The following LRBA variants were observed in gnomAD, a reference collection of about 807,000 sequenced individuals.
LRBA encodes lipopolysaccharide-responsive and beige-like anchor protein.
In LRBA, 176 loss-of-function variants were observed where a neutral mutation model predicts 330.0. The observed-to-expected ratio is 0.53, with a 90% CI of 0.47 to 0.60. The LOEUF (loss-of-function observed/expected upper bound fraction) is 0.60, where lower values mean the gene tolerates loss of function less well. LRBA is among the 20% of genes least tolerant of loss of function. LRBA has a pLI of 0.00. For synonymous variants in LRBA, 1,230 were observed against 1,193.0 expected (o/e 1.03, Z -0.64); for missense variants, 3,259 against 3,444.8 (o/e 0.95, Z 1.35).
chr4:150,282,666 A>G lies in LRBA; in HGVS notation c.8120-20T>C, dbSNP rs769872660. On this transcript the variant is annotated intron_variant, in intron 54 of 56. Coordinates refer to ENST00000651943, the MANE Select transcript of LRBA (RefSeq NM_001364905.1). ...GTCCTTCTGAGAAGAGAGGAGAAAT[A>G]AAAGGCAAAATTATTGAATGAAAAC... is the stretch of plus-strand genomic sequence containing the variant. 2.0e-6 allele frequency: 3 copies of G among 1,535,852 alleles called. No individual in the cohort carries two copies. The highest frequency in any genetic ancestry group is 2.7e-6 in the Non-Finnish European group (3 of 1,122,784).
rs1772728589 is a variant in LRBA at position 150,590,822 on chromosome 4, G to A, written c.6084C>T (p.Ser2028=). 2 of 1,613,506 alleles carry A rather than the reference G, an allele frequency of 1.2e-6. No individual in the cohort carries two copies. The highest frequency in any genetic ancestry group is 1.7e-6 in the Non-Finnish European group (2 of 1,179,574). ...GATTTCCTAAAGCCTGACTCCTGAT[G>A]GACTGTTTTCCTTTAGCAAGGATAT... ...DEDILAKGKQ[S]IRSQALGNQN... Residue 2028 remains serine (S), a synonymous_variant, in exon 39 of 57, where the codon TCC becomes TCT. Transcript: ENST00000651943.
At chr4:150,851,683 T>A (rs539453972) in intron 23 of LRBA, among the ~76,000 whole-genome samples, 1 of 152,320 alleles carries the variant, frequency 6.6e-6, no homozygotes, top group South Asian at 2.1e-4. Flanking sequence ...AAAATAGTAA[T>A]AAAAACTGTC....
At chr4:150,521,255 A>T (rs1426436741) in intron 40 of LRBA, among the ~76,000 whole-genome samples, 1 of 151,636 alleles carries the variant, frequency 6.6e-6, no homozygotes, top group Non-Finnish European at 1.5e-5. Context: ...TTTGAGTTTA[A>T]TTTGCTCTTC....
At chr4:150,798,853 G>A (rs1366343489) in intron 33 of LRBA, among the ~76,000 whole-genome samples, 3 of 151,914 alleles carry the variant, frequency 2.0e-5, no homozygotes, top group African/African-American at 4.8e-5. Context: ...TAATTAAAGG[G>A]ACTAAATTAT....
rs1741511635 is a variant in LRBA at position 150,377,413 on chromosome 4, C to T, written c.7195-27254G>A. On this transcript the variant is annotated intron_variant, in intron 47 of 56. Transcript: ENST00000651943. ...GTGATTAAGCATTTAAGGTAACACT[C>T]ATAAAACTATATCATTTGCAGTAAA... Among the ~76,000 whole-genome samples, 4 of 152,180 alleles carry T rather than the reference C, an allele frequency of 2.6e-5. No homozygotes were observed. In the South Asian group the frequency reaches 8.3e-4, roughly 31 times the overall value.
chr4:150,703,501 TAAAAC>T lies in LRBA; in HGVS notation c.5755-19789_5755-19785del, dbSNP rs1785313129. Among the ~76,000 whole-genome samples the T allele has an allele frequency of 4.6e-5, 7 of 152,190 alleles. No homozygotes were observed. The South Asian group carries it at 1.4e-3, about 31-fold the overall frequency. Reference sequence around the variant, plus strand: ...CCTATACCAGATGTTGAAATTAAAATAAAACAGAACCTTTTATAAAGAAGTCAATA... The same window carrying T: ...CCTATACCAGATGTTGAAATTAAAATAGAACCTTTTATAAAGAAGTCAATA... On this transcript the variant is annotated intron_variant, in intron 36 of 56. Transcript: ENST00000651943.
At chr4:150,280,032 T>C (rs970958748) in intron 55 of LRBA, among the ~76,000 whole-genome samples, 5 of 152,210 alleles carry the variant, frequency 3.3e-5, no homozygotes, top group Admixed American at 6.5e-5. Flanking sequence ...TGCTTCCATC[T>C]GAAATTAAGT....
At chr4:150,269,946 AAAAC>A (rs1290626568) in intron 56 of LRBA, among the ~76,000 whole-genome samples, 5 of 152,354 alleles carry the variant, frequency 3.3e-5, no homozygotes, top group South Asian at 2.1e-4. Context: ...CCTGTCTCAA[AAAAC>A]AAACAAAAAG....
intron 53 of LRBA, 53 bp from the exon 54 acceptor site, chr4:150,286,087 A>G (rs1748100361): frequency 8.2e-7 from 1 of 1,223,956 alleles, no homozygotes; most frequent in Admixed American, 2.5e-5. Flanking sequence ...CATGCATATT[A>G]AATAATCAAC....
At chr4:150,724,348 T>G (rs1342752448) in intron 36 of LRBA, among the ~76,000 whole-genome samples, 1 of 152,132 alleles carries the variant, frequency 6.6e-6, no homozygotes, top group Non-Finnish European at 1.5e-5. Context: ...CTTCCACATC[T>G]TATCTAAGAC....
chr4:150,333,720 T>A (rs571683305), intron 48 of LRBA, among the ~76,000 whole-genome samples: 1 of 152,178 alleles, frequency 6.6e-6, no homozygotes, highest in Non-Finnish European at 1.5e-5. Flanking sequence ...TCTAGCTGAC[T>A]AGCCTCAGTG....
intron 37 of LRBA, among the ~76,000 whole-genome samples, chr4:150,638,506 A>G (rs182207079): frequency 7.7e-4 from 118 of 152,336 alleles, no homozygotes; most frequent in Non-Finnish European, 1.4e-3. Flanking sequence ...TCAAGAACAC[A>G]AAACTGGGGT....
intron 2 of LRBA, among the ~76,000 whole-genome samples, chr4:150,931,932 G>C (rs914701549): frequency 3.3e-5 from 5 of 152,120 alleles, no homozygotes; most frequent in Admixed American, 6.6e-5. Flanking sequence ...AAATGGGTTA[G>C]GCGTGGTGGC....
rs918486104 is a variant in LRBA at position 150,488,062 on chromosome 4, A to G, written c.6449-228T>C. On this transcript the variant is annotated intron_variant, in intron 41 of 56. Transcript: ENST00000651943. ...CATAGACAGTGCTTTCCTAAATACT[A>G]TTAGGTGTTATAACAGTTGATGTTG... 2.0e-5 allele frequency among the ~76,000 whole-genome samples: 3 copies of G among 151,582 alleles called. No individual in the cohort carries two copies. The Admixed American group carries it at 2.0e-4, about 10-fold the overall frequency.
At chr4:151,012,406 T>A (rs1318964640) in intron 2 of LRBA, among the ~76,000 whole-genome samples, 1 of 152,216 alleles carries the variant, frequency 6.6e-6, no homozygotes, top group Non-Finnish European at 1.5e-5. Context: ...CACACACAAA[T>A]AAGTAATTAT....
At chr4:150,919,161 G>C (rs59572961) in intron 5 of LRBA, among the ~76,000 whole-genome samples, 11,509 of 152,206 alleles carry the variant, frequency 0.076, 827 homozygotes, top group African/African-American at 0.19. Context: ...CAAAAGACCA[G>C]ATGTTGTATG....
In LRBA at chr4:150,321,488, T is replaced by A. The variant is rs1316582887; in HGVS notation, c.7453-120A>T. ...AAAGAAGAGGAAGACCATATTAACATGAGTTGTAAGTGGAAGCACAGTGAG... is the reference window on the plus strand; with the variant it reads ...AAAGAAGAGGAAGACCATATTAACAAGAGTTGTAAGTGGAAGCACAGTGAG... On this transcript the variant is annotated intron_variant, in intron 49 of 56. Transcript: ENST00000651943. This position sits in a 1 kb window ranked among gnomAD's most constrained non-coding sequence, Gnocchi z 4.5. The A allele has an allele frequency of 1.4e-5, 11 of 791,278 alleles. No individual in the cohort carries two copies. The highest frequency in any genetic ancestry group is 2.1e-5 in the Non-Finnish European group (11 of 523,288). The allele number at this position is 791,278 out of a possible 1,614,324, so 49.0% of individuals were successfully genotyped here.
chr4:150,870,612 G>T lies in LRBA; in HGVS notation c.2368-6C>A, dbSNP rs368300695. 1.6e-5 allele frequency: 23 copies of T among 1,397,514 alleles called. No individual in the cohort carries two copies. Among genetic ancestry groups the T allele is most frequent in the Non-Finnish European group, 1.9e-5 (19 of 985,712 alleles). 86.6% of individuals were successfully genotyped at this position (1,397,514 alleles called of 1,614,324 possible). On this transcript the variant is annotated splice_polypyrimidine_tract_variant and splice_region_variant and intron_variant, in intron 19 of 56. Coordinates refer to ENST00000651943, the MANE Select transcript of LRBA (RefSeq NM_001364905.1). The stretch of plus-strand genomic sequence containing the variant: ...CCAATCTGTTCTATAAGAATCTACA[G>T]AAGTAAAACAATGGATTACATTAGC...
intron 36 of LRBA, among the ~76,000 whole-genome samples, chr4:150,697,120 T>C (rs1582078075): frequency 6.9e-6 from 1 of 144,340 alleles, no homozygotes; most frequent in Non-Finnish European, 1.5e-5. Context: ...AGGTCAGGAG[T>C]TCAAGACCAG....
Sources: gnomAD v4.1 joint callset for allele counts (sites outside exome capture counted in the v4.1 genomes callset) on GRCh38, gnomAD v4.1.1 for gene constraint, Gnocchi (gnomAD v3.1) non-coding constraint, MANE v1.5 for transcripts, NCBI Gene and HGNC (gene_info 2026-07-23, HGNC 2026-07-21) for gene names.